The following MYO7A variants were observed in gnomAD, a reference collection of about 807,000 sequenced individuals.
The protein encoded by MYO7A is unconventional myosin-VIIa.
In MYO7A, 210 loss-of-function variants were observed where a neutral mutation model predicts 263.8. The ratio of observed to expected loss-of-function variants is 0.80; its 90% CI spans 0.71 to 0.89. The LOEUF (loss-of-function observed/expected upper bound fraction) is 0.89, where lower values mean the gene tolerates loss of function less well. MYO7A is among the 40% of genes least tolerant of loss of function. The pLI, the probability that MYO7A is intolerant of heterozygous loss-of-function variation, is 0.00. For synonymous variants in MYO7A, 1,239 were observed against 1,197.3 expected, an observed-to-expected ratio of 1.03 and a Z score of -0.72; for missense variants, 2,820 against 2,968.3, an observed-to-expected ratio of 0.95 and a Z score of 1.16.
rs2135564428 is a variant in MYO7A, at chr11:77,138,328, C to A, written c.19-4381C>A. 6.6e-6 allele frequency among the ~76,000 whole-genome samples: 1 copy of A among 151,866 alleles called. No homozygotes were observed. The highest frequency in any genetic ancestry group is 1.9e-4 in the East Asian group (1 of 5,164). ...CAGCGCCATGGAGGACCCCGCCGAC[C>A]CTGCCGACCCCGCGCGCATCCCGCA... On this transcript the variant is annotated intron_variant, in intron 2 of 48. Transcript: ENST00000409709. This position sits in a 1 kb window ranked among gnomAD's most constrained non-coding sequence, Gnocchi z 4.9.
At chr11:77,174,328 C>A (rs1954416941) in intron 16 of MYO7A, among the ~76,000 whole-genome samples, 1 of 152,204 alleles carries the variant, frequency 6.6e-6, no homozygotes, top group East Asian at 1.9e-4. Flanking sequence ...GCACCCCTCA[C>A]CTGCACAGCC....
intron 25 of MYO7A, 59 bp downstream of exon 25, chr11:77,182,659 G>A: frequency 6.3e-7 from 1 of 1,575,220 alleles, no homozygotes; most frequent in Non-Finnish European, 8.7e-7. Context: ...AGGGCCGCTG[G>A]CATCACCAGC....
chr11:77,176,616 G>A (rs1954672294), intron 18 of MYO7A, among the ~76,000 whole-genome samples: 1 of 152,182 alleles, frequency 6.6e-6, no homozygotes, highest in Non-Finnish European at 1.5e-5. Flanking sequence ...AGCTCCATCA[G>A]CCCCTGACTT....
At chr11:77,154,471 C>T (rs1555059826) in intron 4 of MYO7A, among the ~76,000 whole-genome samples, 1 of 152,194 alleles carries the variant, frequency 6.6e-6, no homozygotes, top group Non-Finnish European at 1.5e-5. Context: ...GCCCCTGTTC[C>T]CCACTGACCA....
chr11:77,179,793 A>G lies in MYO7A; in HGVS notation c.2426A>G (p.Gln809Arg). The G allele has an allele frequency of 6.4e-7, 1 of 1,550,554 alleles. No homozygotes were observed. The highest frequency in any genetic ancestry group is 1.7e-4 in the Middle Eastern group (1 of 5,804). The part of the protein sequence containing the change: ...ALHRSRKLHQ[Q>R]YRLARQRIIQ... ...CACCGCTCCCGGAAGCTGCACCAGC[A>G]GTACCGCCTGGCCCGCCAGCGCATC... Residue 809 changes from glutamine to arginine, a missense_variant, in exon 21 of 49, where the codon CAG becomes CGG. Physicochemically the swap from Gln to Arg is conservative, Grantham distance 43. Coordinates refer to ENST00000409709, the MANE Select transcript of MYO7A (RefSeq NM_000260.4).
In MYO7A at chr11:77,162,320, A is replaced by G. The variant is rs540373204; in HGVS notation, c.1544A>G (p.Lys515Arg). ...NIISLIDEESKFPKGTDTTML... is the reference protein window; with the variant it reads ...NIISLIDEESRFPKGTDTTML... ...ATCTCCCTCATCGATGAGGAGAGCA[A>G]GTTCCCCAAGGTGGGCCGGTCCTGC... Residue 515 changes from lysine to arginine, a missense_variant, in exon 13 of 49, where the codon AAG becomes AGG. Transcript: ENST00000409709. 4.5e-6 allele frequency: 7 copies of G among 1,551,650 alleles called. No homozygotes were observed. Among genetic ancestry groups the G allele is most frequent in the Middle Eastern group, 1.7e-4 (1 of 5,834 alleles).
At chr11:77,208,909 A>T (rs1957670633) in intron 44 of MYO7A, 106 bp downstream of exon 44, 2 of 901,928 alleles carry the variant, frequency 2.2e-6, no homozygotes, top group East Asian at 5.3e-5. Context: ...GGCCCGTACC[A>T]GCCTGGCCTC....
chr11:77,169,491 C>T (rs370308931), intron 15 of MYO7A, among the ~76,000 whole-genome samples: 4 of 152,348 alleles, frequency 2.6e-5, no homozygotes, highest in Admixed American at 6.5e-5. Context: ...TGGGGTCTTC[C>T]TCTCAGATCC....
In MYO7A at chr11:77,195,140, A is replaced by G. The variant is rs1956541101; in HGVS notation, c.4323+616A>G. 2.0e-5 allele frequency among the ~76,000 whole-genome samples: 3 copies of G among 151,990 alleles called. No individual in the cohort carries two copies. In the South Asian group the frequency reaches 6.2e-4, roughly 32 times the overall value. On this transcript the variant is annotated intron_variant, in intron 32 of 48. Transcript: ENST00000409709. ...GAGGGCTCCATAGTCTGAGGGCACCACAGACCCGGATCTCACCCCTCCACC... is the reference window on the plus strand; with the variant it reads ...GAGGGCTCCATAGTCTGAGGGCACCGCAGACCCGGATCTCACCCCTCCACC...
chr11:77,163,130 A>G, intron 14 of MYO7A, 142 bp downstream of exon 14: 1 of 907,834 alleles, frequency 1.1e-6, no homozygotes. Context: ...GAACTTGACT[A>G]AAATGGCCAA....
chr11:77,192,227 C>G lies in MYO7A; in HGVS notation c.4101C>G (p.Ile1367Met). The change falls in exon 31 of 49, where the codon ATC (isoleucine) becomes ATG (methionine). Residue 1367 changes from isoleucine (I) to methionine (M), a missense_variant. Physicochemically the swap from Ile to Met is conservative, Grantham distance 10 (BLOSUM62 1). Transcript: ENST00000409709. The stretch of plus-strand genomic sequence containing the variant: ...AGGACAACGTGGCCACCAACCTCAT[C>G]TACCAGCAGGTGGTGCGAGGAGTCA... ...PSEDNVATNLIYQQVVRGVKF... is the reference protein window; with the variant it reads ...PSEDNVATNLMYQQVVRGVKF... 6.2e-7 allele frequency: 1 copy of G among 1,614,082 alleles called. No individual in the cohort carries two copies. The highest frequency in any genetic ancestry group is 8.5e-7 in the Non-Finnish European group (1 of 1,179,908).
intron 16 of MYO7A, among the ~76,000 whole-genome samples, chr11:77,173,362 A>G (rs1954311129): frequency 1.3e-5 from 2 of 152,034 alleles, no homozygotes; most frequent in East Asian, 1.9e-4. Context: ...AGCCTCCCCC[A>G]TCTCTTCAGC....
At chr11:77,207,873 C>T (rs967231032) in intron 42 of MYO7A, among the ~76,000 whole-genome samples, 3 of 152,206 alleles carry the variant, frequency 2.0e-5, no homozygotes, top group African/African-American at 7.2e-5. Flanking sequence ...ACGCCCCTGC[C>T]ACCATTTCAC....
intron 2 of MYO7A, among the ~76,000 whole-genome samples, chr11:77,133,358 G>A (rs1273675267): frequency 1.3e-5 from 2 of 152,220 alleles, no homozygotes; most frequent in African/African-American, 4.8e-5. Flanking sequence ...GGTGGTGCCA[G>A]GGTAGGGACT....
At chr11:77,200,057 C>T (rs1023403276) in intron 35 of MYO7A, among the ~76,000 whole-genome samples, 1 of 152,050 alleles carries the variant, frequency 6.6e-6, no homozygotes, top group East Asian at 1.9e-4. Context: ...TCACTTGAGG[C>T]CAGGAGTTCA....
intron 2 of MYO7A, among the ~76,000 whole-genome samples, chr11:77,136,575 A>G (rs1950911177): frequency 6.6e-6 from 1 of 151,874 alleles, no homozygotes; most frequent in African/African-American, 2.4e-5. Flanking sequence ...AAATCTTAAA[A>G]CCCAGCTGTC....
At chr11:77,211,453 T>G in intron 45 of MYO7A, 116 bp downstream of exon 45, 2 of 1,208,248 alleles carry the variant, frequency 1.7e-6, no homozygotes, top group Non-Finnish European at 2.3e-6. Context: ...TTGTGGTTCT[T>G]GTACTTGATG....
chr11:77,172,668 C>G, intron 15 of MYO7A, 80 bp from the exon 16 acceptor site: 2 of 1,529,064 alleles, frequency 1.3e-6, no homozygotes, highest in African/African-American at 2.7e-5. Flanking sequence ...GACCTCCCCT[C>G]CCGCTTCCTA....
intron 4 of MYO7A, among the ~76,000 whole-genome samples, chr11:77,150,147 T>C (rs1471541086): frequency 2.6e-5 from 4 of 152,062 alleles, no homozygotes; most frequent in Non-Finnish European, 5.9e-5. Flanking sequence ...CAAGGCCCAC[T>C]CTCCTGTCAG....
Sources: allele counts gnomAD v4.1 joint callset (sites outside exome capture counted in the v4.1 genomes callset), GRCh38; gene constraint gnomAD v4.1.1; non-coding constraint Gnocchi (gnomAD v3.1); transcripts MANE v1.5; gene names NCBI Gene and HGNC (gene_info 2026-07-23, HGNC 2026-07-21).